Variants in ERGIC1 observed in about 807,000 individuals in gnomAD.
ERGIC1 encodes the protein endoplasmic reticulum-golgi intermediate compartment 1.
A neutral mutation model predicts 38.3 loss-of-function variants in ERGIC1; 19 were observed. The observed-to-expected ratio is 0.50, with a 90% CI of 0.35 to 0.73. The LOEUF is 0.73. Among genes scored for constraint, ERGIC1 ranks in the 30% least tolerant of loss-of-function variants. ERGIC1 has a pLI of 0.01. For missense variants in ERGIC1, 294 were observed against 389.2 expected (o/e 0.76, Z 2.06); for synonymous variants, 124 against 157.6 (o/e 0.79, Z 1.60).
chr5:172,834,586 CCCCT>C lies in ERGIC1; in HGVS notation c.20+154_20+157del, dbSNP rs1760986769. ...CCCTAGGGACCCCAGGCGAGCCCCC[CCCCT>C]GCCGCACACGAAGCCAGCCAGAGCC... On this transcript the variant is annotated intron_variant, in intron 1 of 9. Coordinates refer to ENST00000393784, the MANE Select transcript of ERGIC1 (RefSeq NM_001031711.3). This position sits in a 1 kb window ranked among gnomAD's most constrained non-coding sequence, Gnocchi z 4.1. Among the ~76,000 whole-genome samples the C allele has an allele frequency of 7.5e-6, 1 of 133,082 alleles. No individual in the cohort carries two copies. The highest frequency in any genetic ancestry group is 1.6e-5 in the Non-Finnish European group (1 of 60,870). 87.3% of individuals were successfully genotyped at this position (133,082 alleles called of 152,430 possible).
intron 9 of ERGIC1, among the ~76,000 whole-genome samples, chr5:172,946,040 A>G (rs1764114381): frequency 2.0e-5 from 3 of 152,186 alleles, no homozygotes. Flanking sequence ...TCCCACGGCT[A>G]GAATTAGTAA....
chr5:172,863,866 A>T (rs1281970669), intron 1 of ERGIC1, among the ~76,000 whole-genome samples: 1 of 152,184 alleles, frequency 6.6e-6, no homozygotes, highest in East Asian at 1.9e-4. Flanking sequence ...TCTCTGAAGA[A>T]ATACATTTAT....
At chr5:172,838,925 A>G (rs1034472233) in intron 1 of ERGIC1, among the ~76,000 whole-genome samples, 4 of 152,234 alleles carry the variant, frequency 2.6e-5, no homozygotes, top group African/African-American at 9.6e-5. Context: ...AGCTGACAAG[A>G]ACATATACTT....
At chr5:172,925,797 C>A (rs1412375682) in intron 6 of ERGIC1, among the ~76,000 whole-genome samples, 1 of 152,218 alleles carries the variant, frequency 6.6e-6, no homozygotes, top group Non-Finnish European at 1.5e-5. Context: ...TAACCATGCC[C>A]ATGGTAGCAT....
Position 172,837,421 on chromosome 5 carries a change from T to C in ERGIC1, c.20+2988T>C, listed in dbSNP as rs967846407. ...CATCATCTCCTAACACATTATATAA[T>C]TCACTTAATTATCATGCTGCTTCTC... On this transcript the variant is annotated intron_variant, in intron 1 of 9. Transcript: ENST00000393784. This position sits in a 1 kb window ranked among gnomAD's most constrained non-coding sequence, Gnocchi z 4.3. 1.3e-5 allele frequency among the ~76,000 whole-genome samples: 2 copies of C among 152,222 alleles called. No individual in the cohort carries two copies. Among genetic ancestry groups the C allele is most frequent in the African/African-American group, 4.8e-5 (2 of 41,454 alleles).
chr5:172,872,868 C>G (rs1335584045), intron 1 of ERGIC1, among the ~76,000 whole-genome samples: 1 of 152,074 alleles, frequency 6.6e-6, no homozygotes, highest in Non-Finnish European at 1.5e-5. Flanking sequence ...TCTCATAGCA[C>G]AAAGCAAAGC....
In ERGIC1 at chr5:172,910,319, C is replaced by G. The variant is rs570350990; in HGVS notation, c.250+558C>G. On this transcript the variant is annotated intron_variant, in intron 4 of 9. Coordinates refer to ENST00000393784, the MANE Select transcript of ERGIC1 (RefSeq NM_001031711.3). ...TCCCAAGCATCTCAAGCGAGAAGAC[C>G]TCCGGTCAGCCAAGAGCATTCATCT... Among the ~76,000 whole-genome samples the G allele has an allele frequency of 2.6e-5, 4 of 152,192 alleles. No homozygotes were observed. In the East Asian group the frequency reaches 7.8e-4, roughly 30 times the overall value.
At chr5:172,864,191 C>T (rs1761791679) in intron 1 of ERGIC1, among the ~76,000 whole-genome samples, 1 of 151,776 alleles carries the variant, frequency 6.6e-6, no homozygotes, top group Non-Finnish European at 1.5e-5. Context: ...AGGGAAACTC[C>T]ATCTCAAAAC....
intron 1 of ERGIC1, among the ~76,000 whole-genome samples, chr5:172,867,987 G>A (rs1761913018): frequency 1.3e-5 from 2 of 152,200 alleles, no homozygotes; most frequent in South Asian, 4.1e-4. Flanking sequence ...AGCAGAGTCA[G>A]GATTTGAGCC....
In ERGIC1 at chr5:172,835,931, G is replaced by T. The variant is rs554306455; in HGVS notation, c.20+1498G>T. Among the ~76,000 whole-genome samples the T allele has an allele frequency of 1.5e-4, 23 of 152,302 alleles. No homozygotes were observed. In the South Asian group the frequency reaches 4.3e-3, roughly 29 times the overall value. On this transcript the variant is annotated intron_variant, in intron 1 of 9. Coordinates refer to ENST00000393784, the MANE Select transcript of ERGIC1 (RefSeq NM_001031711.3). ...GTTAAGTCTGGGCCATAAGAGCTGT[G>T]GTCGGCACATCAATTTCTGGTTCCA...
chr5:172,863,758 C>T (rs1019293932), intron 1 of ERGIC1, among the ~76,000 whole-genome samples: 1 of 152,136 alleles, frequency 6.6e-6, no homozygotes, highest in Non-Finnish European at 1.5e-5. Flanking sequence ...GACTTAATTC[C>T]GAGAGCAGGG....
intron 1 of ERGIC1, among the ~76,000 whole-genome samples, chr5:172,879,795 G>A (rs1282852172): frequency 6.6e-6 from 1 of 152,176 alleles, no homozygotes; most frequent in Non-Finnish European, 1.5e-5. Flanking sequence ...GAGCTTCCCA[G>A]CCTCAACCCT....
chr5:172,878,464 AG>A lies in ERGIC1; in HGVS notation c.21-10232del, dbSNP rs1412876355. Reference sequence around the variant, plus strand: ...GAAAGAATGCTACTGTCTACCATACAGGGTTATGAAAGTGATCCGAGATACT... The same window carrying A: ...GAAAGAATGCTACTGTCTACCATACAGGTTATGAAAGTGATCCGAGATACT... On this transcript the variant is annotated intron_variant, in intron 1 of 9. Coordinates refer to ENST00000393784, the MANE Select transcript of ERGIC1 (RefSeq NM_001031711.3). 2.6e-5 allele frequency among the ~76,000 whole-genome samples: 4 copies of A among 152,204 alleles called. No individual in the cohort carries two copies. The South Asian group carries it at 8.3e-4, about 32-fold the overall frequency.
In ERGIC1 at chr5:172,952,536, A is replaced by ACTC. The variant is rs1764256033; in HGVS notation, c.*1721_*1723dup. 1 of 146,298 alleles carries ACTC rather than the reference A, an allele frequency of 6.8e-6. No individual in the cohort carries two copies. The highest frequency in any genetic ancestry group is 1.5e-5 in the Non-Finnish European group (1 of 66,150). 9.1% of individuals were successfully genotyped at this position (146,298 alleles called of 1,614,324 possible). On this transcript the variant is annotated 3_prime_UTR_variant, in exon 10 of 10. Coordinates refer to ENST00000393784, the MANE Select transcript of ERGIC1 (RefSeq NM_001031711.3). ...TTTTTTGAAGAAAAAAAAAAAAACAACTCTGAGGACATAGGGGATGTCAGT... is the reference window on the plus strand; with the variant it reads ...TTTTTTGAAGAAAAAAAAAAAAACAACTCCTCTGAGGACATAGGGGATGTCAGT...
intron 2 of ERGIC1, among the ~76,000 whole-genome samples, chr5:172,889,244 A>G (rs1051914009): frequency 1.3e-5 from 2 of 152,056 alleles, no homozygotes; most frequent in Non-Finnish European, 2.9e-5. Context: ...AGATCACACC[A>G]TTGCACTTCA....
At chr5:172,882,106 G>C (rs1381522425) in intron 1 of ERGIC1, among the ~76,000 whole-genome samples, 1 of 152,136 alleles carries the variant, frequency 6.6e-6, no homozygotes, top group Non-Finnish European at 1.5e-5. Flanking sequence ...CTGAAACTAG[G>C]GTCTTTTTGA....
At chr5:172,909,326 A>G (rs1763147670) in intron 3 of ERGIC1, among the ~76,000 whole-genome samples, 1 of 151,846 alleles carries the variant, frequency 6.6e-6, no homozygotes, top group Admixed American at 6.6e-5. Context: ...ACGCCCAGCT[A>G]ATTTTGTATT....
At chr5:172,915,613 C>G in intron 5 of ERGIC1, 1 of 471,202 alleles carries the variant, frequency 2.1e-6, no homozygotes, top group South Asian at 1.5e-5. Flanking sequence ...TTGCTCAGCA[C>G]GTGCCGGCCT....
intron 3 of ERGIC1, 88 bp from the exon 4 acceptor site, chr5:172,909,579 A>T: frequency 8.0e-7 from 1 of 1,246,020 alleles, no homozygotes; most frequent in Admixed American, 1.7e-5. Context: ...AGTTGTGGTC[A>T]CCAAGTGAAG....
Sources: allele counts gnomAD v4.1 joint callset (sites outside exome capture counted in the v4.1 genomes callset), GRCh38; gene constraint gnomAD v4.1.1; non-coding constraint Gnocchi (gnomAD v3.1); transcripts MANE v1.5; gene names NCBI Gene and HGNC (gene_info 2026-07-23, HGNC 2026-07-21).